Variants in CYP7B1 observed in about 807,000 individuals in gnomAD.
CYP7B1 encodes the protein cytochrome P450 family 7 subfamily B member 1.
CYP7B1 carries 29 observed loss-of-function variants against 42.7 expected under a neutral mutation model. The ratio of observed to expected loss-of-function variants is 0.68; its 90% CI spans 0.51 to 0.93. The LOEUF is 0.93. Ranked by LOEUF, CYP7B1 falls within the 40% of genes least tolerant of loss-of-function variation. CYP7B1 has a pLI of 0.00. For missense variants in CYP7B1, 655 were observed against 600.5 expected, an observed-to-expected ratio of 1.09 and a Z score of -0.95; for synonymous variants, 235 against 218.2, an observed-to-expected ratio of 1.08 and a Z score of -0.68.
At chr8:64,769,030 A>T (rs1804159493) in intron 1 of CYP7B1, among the ~76,000 whole-genome samples, 1 of 152,158 alleles carries the variant, frequency 6.6e-6, no homozygotes, top group African/African-American at 2.4e-5. Flanking sequence ...AAATTTTAAA[A>T]TATTGTTTTT....
At chr8:64,791,932 G>A (rs1381641417) in intron 1 of CYP7B1, among the ~76,000 whole-genome samples, 4 of 152,152 alleles carry the variant, frequency 2.6e-5, no homozygotes, top group African/African-American at 4.8e-5. Context: ...CTTGGTGAGA[G>A]GTCAGAAAGA....
chr8:64,666,065 T>A (rs1193310499), intron 1 of CYP7B1, among the ~76,000 whole-genome samples: 1 of 152,248 alleles, frequency 6.6e-6, no homozygotes, highest in Non-Finnish European at 1.5e-5. Context: ...TACACCACAA[T>A]GTTAAATTAA....
At chr8:64,659,974 A>C (rs763548551) in intron 1 of CYP7B1, among the ~76,000 whole-genome samples, 2 of 152,248 alleles carry the variant, frequency 1.3e-5, no homozygotes, top group Non-Finnish European at 2.9e-5. Context: ...ATAAAACCCT[A>C]GGCAAAGTCA....
chr8:64,660,911 A>G (rs961120493), intron 1 of CYP7B1, among the ~76,000 whole-genome samples: 1 of 152,208 alleles, frequency 6.6e-6, no homozygotes, highest in African/African-American at 2.4e-5. Context: ...TTAGACTATC[A>G]TTTTAGTTGT....
At chr8:64,742,170 G>A (rs1807579797) in intron 1 of CYP7B1, among the ~76,000 whole-genome samples, 1 of 151,768 alleles carries the variant, frequency 6.6e-6, no homozygotes, top group African/African-American at 2.4e-5. Context: ...GATCTGTACT[G>A]TCAATTTAAA....
At chr8:64,673,832 C>A (rs1563385667) in intron 1 of CYP7B1, among the ~76,000 whole-genome samples, 1 of 152,006 alleles carries the variant, frequency 6.6e-6, no homozygotes, top group Non-Finnish European at 1.5e-5. Context: ...GCAAATGTAA[C>A]CATTGCCGCA....
chr8:64,589,836 C>A (rs1805011686), downstream of CYP7B1: 1 of 152,146 alleles, frequency 6.6e-6, no homozygotes, highest in Admixed American at 6.5e-5. Context: ...CTCCTGTGAG[C>A]ACAGTTTGCT....
chr8:64,602,899 C>T (rs1042583338), intron 5 of CYP7B1, among the ~76,000 whole-genome samples: 3 of 152,118 alleles, frequency 2.0e-5, no homozygotes, highest in Admixed American at 2.0e-4. Flanking sequence ...AATGATAAAA[C>T]CTTCCCAAAT....
intron 1 of CYP7B1, among the ~76,000 whole-genome samples, chr8:64,698,340 G>A (rs1170693207): frequency 1.3e-5 from 2 of 151,848 alleles, no homozygotes; most frequent in Non-Finnish European, 2.9e-5. Flanking sequence ...GCAGGGGGGG[G>A]AAAAAAACTA....
At chr8:64,733,363 C>T (rs1310173035) in intron 1 of CYP7B1, among the ~76,000 whole-genome samples, 3 of 152,204 alleles carry the variant, frequency 2.0e-5, no homozygotes, top group Non-Finnish European at 4.4e-5. Flanking sequence ...AGTGGATACA[C>T]AGCGGCTTTT....
chr8:64,742,302 C>T (rs115692411), intron 1 of CYP7B1, among the ~76,000 whole-genome samples: 250 of 151,918 alleles, frequency 1.6e-3, no homozygotes, highest in Middle Eastern at 6.8e-3. Flanking sequence ...GCCATTAGTC[C>T]CAAACATCGT....
At chr8:64,616,394 G>A (rs945790251) in intron 2 of CYP7B1, 113 bp from the exon 3 acceptor site, 2 of 731,440 alleles carry the variant, frequency 2.7e-6, no homozygotes, top group Admixed American at 5.3e-5. Context: ...TAATAACTAA[G>A]GCAAAAAGTT....
chr8:64,684,488 T>G (rs1307427708), intron 1 of CYP7B1, among the ~76,000 whole-genome samples: 1 of 152,246 alleles, frequency 6.6e-6, no homozygotes. Flanking sequence ...GTTAAAATAA[T>G]TAAATAAGTT....
intron 1 of CYP7B1, among the ~76,000 whole-genome samples, chr8:64,642,979 C>T (rs1434603538): frequency 6.6e-6 from 1 of 151,606 alleles, no homozygotes; most frequent in Non-Finnish European, 1.5e-5. Context: ...CTTAATTTGG[C>T]CTCCCAGTCA....
At chr8:64,623,674 G>C (rs1340925496) in intron 2 of CYP7B1, among the ~76,000 whole-genome samples, 2 of 152,102 alleles carry the variant, frequency 1.3e-5, no homozygotes, top group Non-Finnish European at 2.9e-5. Flanking sequence ...TTTTCTTGGT[G>C]TTTTGGTACT....
chr8:64,620,629 C>T (rs1349748409), intron 2 of CYP7B1, among the ~76,000 whole-genome samples: 1 of 152,194 alleles, frequency 6.6e-6, no homozygotes, highest in Non-Finnish European at 1.5e-5. Flanking sequence ...TCAGTGAAAT[C>T]ACATTATGAG....
intron 1 of CYP7B1, among the ~76,000 whole-genome samples, chr8:64,685,053 C>G (rs1435713313): frequency 1.3e-5 from 2 of 152,182 alleles, no homozygotes; most frequent in Admixed American, 6.5e-5. Context: ...ACCAAATGAC[C>G]CAGCAATTTC....
intron 1 of CYP7B1, among the ~76,000 whole-genome samples, chr8:64,667,211 C>T (rs2129631570): frequency 6.6e-6 from 1 of 152,286 alleles, no homozygotes; most frequent in East Asian, 1.9e-4. Context: ...CTAAGTTGTA[C>T]TTCTGGAATT....
chr8:64,728,976 T>A (rs1007032950), intron 1 of CYP7B1: 13 of 152,134 alleles, frequency 8.5e-5, no homozygotes, highest in Admixed American at 7.9e-4. Context: ...CTGAGGAACA[T>A]GGCAAAACCC....
Sources: gnomAD v4.1 joint callset for allele counts (sites outside exome capture counted in the v4.1 genomes callset) on GRCh38, gnomAD v4.1.1 for gene constraint, MANE v1.5 for transcripts, NCBI Gene and HGNC (gene_info 2026-07-23, HGNC 2026-07-21) for gene names.